ANKRD6: variants seen among roughly 807,000 people sequenced by gnomAD.
The protein encoded by ANKRD6 is ankyrin repeat domain 6, also known as ankyrin repeat domain-containing protein 6.
In ANKRD6, 56 loss-of-function variants were observed where a neutral mutation model predicts 82.3. That is an observed-to-expected ratio of 0.68 (90% CI 0.55 to 0.85). The LOEUF (loss-of-function observed/expected upper bound fraction) is 0.85. Ranked by LOEUF, ANKRD6 falls within the 40% of genes least tolerant of loss-of-function variation. The pLI, the probability that ANKRD6 is intolerant of heterozygous loss-of-function variation, is 0.00. For missense variants in ANKRD6, 852 were observed against 907.6 expected (o/e 0.94, Z 0.79); for synonymous variants, 347 against 352.1 (o/e 0.99, Z 0.16).
chr6:89,555,922 A>G (rs763028106), intron 1 of ANKRD6, among the ~76,000 whole-genome samples: 2 of 152,196 alleles, frequency 1.3e-5, no homozygotes, highest in African/African-American at 2.4e-5. Flanking sequence ...GGGAGAGGGC[A>G]GGACTTGAGG....
chr6:89,578,856 G>A (rs929340219), intron 2 of ANKRD6, among the ~76,000 whole-genome samples: 3 of 152,152 alleles, frequency 2.0e-5, no homozygotes, highest in Non-Finnish European at 4.4e-5. Context: ...GTAGGTGCTA[G>A]CCCTGAGAAG....
intron 5 of ANKRD6, among the ~76,000 whole-genome samples, chr6:89,609,206 C>T (rs898793735): frequency 3.9e-5 from 6 of 152,180 alleles, no homozygotes; most frequent in African/African-American, 1.2e-4. Context: ...ATGGTAATAT[C>T]GCCGGTAGTG....
chr6:89,623,848 G>C (rs145669349), intron 11 of ANKRD6, 24 bp from the exon 12 acceptor site: 2 of 1,603,440 alleles, frequency 1.2e-6, no homozygotes, highest in Admixed American at 1.7e-5. Context: ...GCGTTCAGGG[G>C]TGTTGTCTCT....
chr6:89,449,233 A>C (rs1477240139), intron 1 of ANKRD6, among the ~76,000 whole-genome samples: 1 of 152,084 alleles, frequency 6.6e-6, no homozygotes, highest in Non-Finnish European at 1.5e-5. Flanking sequence ...GCTGATTCCA[A>C]CCCTCGGGTC....
chr6:89,465,925 T>C (rs1002503823), intron 1 of ANKRD6, among the ~76,000 whole-genome samples: 3 of 152,132 alleles, frequency 2.0e-5, no homozygotes, highest in African/African-American at 7.2e-5. Context: ...CTTGCCTCAT[T>C]AGGTTATTAT....
chr6:89,504,139 G>A (rs926988872), intron 1 of ANKRD6, among the ~76,000 whole-genome samples: 3 of 116,746 alleles, frequency 2.6e-5, no homozygotes, highest in African/African-American at 9.7e-5. Flanking sequence ...GGGGGCGGGG[G>A]GTGGGGGGGA....
chr6:89,613,816 G>C lies in ANKRD6; in HGVS notation c.541G>C (p.Ala181Pro). ...GGCAGGAGACACCTGTTTGCACGTTGCTGCGCGCTATAATCACTTGTCCAT... is the reference window on the plus strand; with the variant it reads ...GGCAGGAGACACCTGTTTGCACGTTCCTGCGCGCTATAATCACTTGTCCAT... Reference protein sequence around the residue: ...NNAGDTCLHVAARYNHLSIIR... With the variant: ...NNAGDTCLHVPARYNHLSIIR... Residue 181 changes from alanine to proline, a missense_variant, in exon 7 of 16, where the codon GCT becomes CCT. Transcript: ENST00000339746. 1 of 1,614,018 alleles carries C rather than the reference G, an allele frequency of 6.2e-7. No individual in the cohort carries two copies. Among genetic ancestry groups the C allele is most frequent in the Non-Finnish European group, 8.5e-7 (1 of 1,179,886 alleles).
At chr6:89,625,602 C>G (rs1805374161) in intron 13 of ANKRD6, among the ~76,000 whole-genome samples, 1 of 152,070 alleles carries the variant, frequency 6.6e-6, no homozygotes, top group Non-Finnish European at 1.5e-5. Flanking sequence ...GACAGGGCAT[C>G]TCTAAATATT....
chr6:89,621,776 CCA>C (rs1803412429), intron 9 of ANKRD6, 144 bp from the exon 10 acceptor site: 6 of 748,268 alleles, frequency 8.0e-6, no homozygotes, highest in Non-Finnish European at 1.4e-5. Flanking sequence ...GGTAGGTGGT[CCA>C]GAGGTGCTTG....
At chr6:89,497,985 T>C (rs970787813) in intron 1 of ANKRD6, among the ~76,000 whole-genome samples, 2 of 152,238 alleles carry the variant, frequency 1.3e-5, no homozygotes, top group African/African-American at 4.8e-5. Context: ...TGGTTTTTTG[T>C]TTCTGGCTAC....
At chr6:89,496,774 A>G (rs994311447) in intron 1 of ANKRD6, among the ~76,000 whole-genome samples, 2 of 152,252 alleles carry the variant, frequency 1.3e-5, no homozygotes, top group South Asian at 2.1e-4. Flanking sequence ...TCCGGGAGAA[A>G]GATAAAACTT....
At chr6:89,489,445 G>T (rs112853470) in intron 1 of ANKRD6, among the ~76,000 whole-genome samples, 3,141 of 152,180 alleles carry the variant, frequency 0.021, 66 homozygotes, top group Non-Finnish European at 0.031. Context: ...TACAGATCTG[G>T]CTCCCCAGTT....
In ANKRD6 at chr6:89,624,700, T is replaced by C; in HGVS notation, c.1371+9T>C. 1 of 1,602,966 alleles carries C rather than the reference T, an allele frequency of 6.2e-7. No individual in the cohort carries two copies. Among genetic ancestry groups the C allele is most frequent in the Non-Finnish European group, 8.5e-7 (1 of 1,174,638 alleles). On this transcript the variant is annotated intron_variant, in intron 13 of 15. Coordinates refer to ENST00000339746, the MANE Select transcript of ANKRD6 (RefSeq NM_001242809.2). ...ATAAGACCCAGCACCAAGTATGTCA[T>C]AAGGCCCAGCTTCCTAATTGCAAGG...
At chr6:89,571,026 T>A (rs1265890551) in intron 2 of ANKRD6, among the ~76,000 whole-genome samples, 2 of 151,680 alleles carry the variant, frequency 1.3e-5, no homozygotes, top group Admixed American at 1.3e-4. Context: ...CTTTTCCACA[T>A]CCTTGACAAT....
intron 1 of ANKRD6, among the ~76,000 whole-genome samples, chr6:89,439,530 C>T (rs1771092132): frequency 6.6e-6 from 1 of 152,104 alleles, no homozygotes; most frequent in Non-Finnish European, 1.5e-5. Flanking sequence ...ATTACAAGAT[C>T]ATGTGAAAGA....
intron 4 of ANKRD6, among the ~76,000 whole-genome samples, chr6:89,605,511 G>GA (rs1798310256): frequency 6.6e-6 from 1 of 152,142 alleles, no homozygotes; most frequent in African/African-American, 2.4e-5. Context: ...AAGTTTCAGT[G>GA]AAAAAAAGTT....
intron 1 of ANKRD6, among the ~76,000 whole-genome samples, chr6:89,459,289 G>A (rs1773851297): frequency 1.3e-5 from 2 of 152,206 alleles, no homozygotes; most frequent in Middle Eastern, 3.4e-3. Context: ...TGTTGGTCAG[G>A]CTGGTCTCGA....
intron 1 of ANKRD6, among the ~76,000 whole-genome samples, chr6:89,555,101 C>A (rs1227744377): frequency 7.8e-6 from 1 of 128,762 alleles, no homozygotes; most frequent in African/African-American, 2.9e-5. Flanking sequence ...CCCCTCTCTC[C>A]CCCCTCCCCC....
intron 1 of ANKRD6, among the ~76,000 whole-genome samples, chr6:89,547,712 T>G (rs2128023223): frequency 6.6e-6 from 1 of 152,236 alleles, no homozygotes; most frequent in East Asian, 1.9e-4. Flanking sequence ...TTATAGAAAA[T>G]TGTATCCTTT....
Sources: allele counts gnomAD v4.1 joint callset (sites outside exome capture counted in the v4.1 genomes callset), GRCh38; gene constraint gnomAD v4.1.1; transcripts MANE v1.5; gene names NCBI Gene and HGNC (gene_info 2026-07-23, HGNC 2026-07-21).